The following AGBL4 variants were observed in gnomAD, a reference collection of about 807,000 sequenced individuals.
AGBL4 encodes cytosolic carboxypeptidase 6.
AGBL4 carries 58 observed loss-of-function variants against 66.4 expected under a neutral mutation model. The observed-to-expected ratio is 0.87, with a 90% CI of 0.71 to 1.09. The LOEUF (loss-of-function observed/expected upper bound fraction) is 1.09, where lower values mean the gene tolerates loss of function less well. Among genes scored for constraint, AGBL4 ranks in the 50% least tolerant of loss-of-function variants. AGBL4 has a pLI of 0.00. For synonymous variants in AGBL4, 234 were observed against 222.9 expected, an observed-to-expected ratio of 1.05 and a Z score of -0.44; for missense variants, 579 against 631.0, an observed-to-expected ratio of 0.92 and a Z score of 0.88.
At chr1:48,651,245 G>A (rs140710243) in intron 8 of AGBL4, among the ~76,000 whole-genome samples, 1 of 152,250 alleles carries the variant, frequency 6.6e-6, no homozygotes, top group African/African-American at 2.4e-5. Flanking sequence ...CTGAGGGTTG[G>A]AAATCTTTTA....
intron 9 of AGBL4, among the ~76,000 whole-genome samples, chr1:48,600,824 AT>A (rs925595037): frequency 2.0e-5 from 3 of 152,038 alleles, no homozygotes; most frequent in East Asian, 3.9e-4. Flanking sequence ...ATAAAAACGT[AT>A]TTTTTTTCTA....
Position 49,705,001 on chromosome 1 carries a change from A to G in AGBL4, c.158-7564T>C, listed in dbSNP as rs535968215. Among the ~76,000 whole-genome samples, 512 of 152,272 alleles carry G rather than the reference A, an allele frequency of 3.4e-3. 5 individuals carry two copies. The highest frequency in any genetic ancestry group is 0.012 in the African/African-American group (495 of 41,570). On this transcript the variant is annotated intron_variant, in intron 2 of 13. Transcript: ENST00000371839. ...ACTTGATGGGAATAGCACTGTATCTATAAATTACTTTGGGCAGTATGGCCA... is the reference window on the plus strand; with the variant it reads ...ACTTGATGGGAATAGCACTGTATCTGTAAATTACTTTGGGCAGTATGGCCA...
At position 49,586,205 on chromosome 1, in the gene AGBL4, GA is replaced by G. The variant is rs1303921583; in HGVS notation, c.282+111107del. ...CATTGCTATCCCCATTTTATACTTG[GA>G]AAAAAAACACCGAGTTCCAGGAGAC... On this transcript the variant is annotated intron_variant, in intron 3 of 13. Transcript: ENST00000371839. 5.9e-5 allele frequency among the ~76,000 whole-genome samples: 9 copies of G among 151,670 alleles called. No individual in the cohort carries two copies. The South Asian group carries it at 1.5e-3, about 25-fold the overall frequency.
At chr1:49,985,651 A>AT (rs764239109) in intron 1 of AGBL4, among the ~76,000 whole-genome samples, 25 of 152,196 alleles carry the variant, frequency 1.6e-4, no homozygotes, top group Non-Finnish European at 3.1e-4. Context: ...CTTTAACAAC[A>AT]TATTTGTTTG....
At chr1:48,954,342 A>G (rs1474430646) in intron 5 of AGBL4, among the ~76,000 whole-genome samples, 1 of 152,216 alleles carries the variant, frequency 6.6e-6, no homozygotes, top group Non-Finnish European at 1.5e-5. Context: ...TATACAAGGC[A>G]CTTTCTTGCA....
chr1:49,900,953 T>C (rs1293765012), intron 1 of AGBL4, among the ~76,000 whole-genome samples: 1 of 152,226 alleles, frequency 6.6e-6, no homozygotes. Context: ...CTGCTGCTAT[T>C]GTTTTTATAG....
chr1:48,858,750 T>C (rs1647253970), intron 6 of AGBL4, among the ~76,000 whole-genome samples: 1 of 152,142 alleles, frequency 6.6e-6, no homozygotes, highest in Non-Finnish European at 1.5e-5. Context: ...TGGAACTAGG[T>C]AGTGGTAATG....
intron 1 of AGBL4, among the ~76,000 whole-genome samples, chr1:50,009,297 T>C (rs537668179): frequency 6.6e-6 from 1 of 152,006 alleles, no homozygotes; most frequent in Non-Finnish European, 1.5e-5. Flanking sequence ...TAACAACACA[T>C]TAAAAAGTTC....
chr1:49,945,510 A>G (rs1655127388), intron 1 of AGBL4, among the ~76,000 whole-genome samples: 1 of 152,136 alleles, frequency 6.6e-6, no homozygotes, highest in East Asian at 1.9e-4. Flanking sequence ...CAGAAAAACA[A>G]ATGATAAGAG....
At chr1:48,701,415 G>C (rs191495965) in intron 6 of AGBL4, among the ~76,000 whole-genome samples, 233 of 151,898 alleles carry the variant, frequency 1.5e-3, no homozygotes, top group African/African-American at 5.3e-3. Context: ...AATAATACAT[G>C]TTCTACCTAA....
At chr1:49,375,783 C>T (rs1472695269) in intron 3 of AGBL4, among the ~76,000 whole-genome samples, 2 of 152,042 alleles carry the variant, frequency 1.3e-5, no homozygotes, top group African/African-American at 4.8e-5. Flanking sequence ...CAAAAGATTC[C>T]ATATACAGTT....
At chr1:49,876,088 T>A (rs1646996712) in intron 1 of AGBL4, among the ~76,000 whole-genome samples, 1 of 149,718 alleles carries the variant, frequency 6.7e-6, no homozygotes, top group African/African-American at 2.5e-5. Flanking sequence ...TTGCGAAAAT[T>A]TTCTCCCATG....
chr1:48,959,001 T>G (rs1657731429), intron 5 of AGBL4, among the ~76,000 whole-genome samples: 1 of 152,250 alleles, frequency 6.6e-6, no homozygotes, highest in Non-Finnish European at 1.5e-5. Flanking sequence ...CAGGGATTTC[T>G]GCCCATGAAT....
intron 3 of AGBL4, among the ~76,000 whole-genome samples, chr1:49,252,640 T>C (rs1366240170): frequency 6.6e-6 from 1 of 151,808 alleles, no homozygotes; most frequent in Admixed American, 6.6e-5. Flanking sequence ...GAAAGAAAAA[T>C]GTTAAAGGCA....
chr1:48,540,033 C>A (rs927759021), intron 11 of AGBL4, among the ~76,000 whole-genome samples: 11 of 152,098 alleles, frequency 7.2e-5, no homozygotes, highest in Non-Finnish European at 7.3e-5. Flanking sequence ...TAACCCAAAG[C>A]CTGTGCTCAT....
intron 1 of AGBL4, among the ~76,000 whole-genome samples, chr1:49,861,192 C>A (rs1030118144): frequency 6.6e-6 from 1 of 152,120 alleles, no homozygotes; most frequent in Non-Finnish European, 1.5e-5. Context: ...ACTTCAAAGG[C>A]AGTCTAGGCC....
chr1:48,632,940 A>G (rs1645615666), intron 9 of AGBL4, among the ~76,000 whole-genome samples: 1 of 152,226 alleles, frequency 6.6e-6, no homozygotes, highest in African/African-American at 2.4e-5. Context: ...GGACAAGTTC[A>G]TGTCTGTAAG....
At chr1:49,692,797 T>A (rs962878800) in intron 3 of AGBL4, among the ~76,000 whole-genome samples, 2 of 152,086 alleles carry the variant, frequency 1.3e-5, no homozygotes, top group African/African-American at 4.8e-5. Flanking sequence ...AGTGTGTATG[T>A]GTGCATGTGT....
chr1:49,671,976 C>T (rs1266944904), intron 3 of AGBL4, among the ~76,000 whole-genome samples: 1 of 152,120 alleles, frequency 6.6e-6, no homozygotes, highest in Non-Finnish European at 1.5e-5. Context: ...CCAGAAATCC[C>T]ATTACTGGGT....
Sources: gnomAD v4.1 joint callset for allele counts (sites outside exome capture counted in the v4.1 genomes callset) on GRCh38, gnomAD v4.1.1 for gene constraint, MANE v1.5 for transcripts, NCBI Gene and HGNC (gene_info 2026-07-23, HGNC 2026-07-21) for gene names.